LZTS2: variants seen among roughly 807,000 people sequenced by gnomAD.
The protein encoded by LZTS2 is leucine zipper tumor suppressor 2.
A neutral mutation model predicts 60.6 loss-of-function variants in LZTS2; 32 were observed. That is an observed-to-expected ratio of 0.53 (90% confidence interval 0.40 to 0.71). LZTS2 has a LOEUF of 0.71. Among genes scored for constraint, LZTS2 ranks in the 30% least tolerant of loss-of-function variants. The pLI, the probability that LZTS2 is intolerant of heterozygous loss-of-function variation, is 0.00. For missense variants in LZTS2, 792 were observed against 901.9 expected (o/e 0.88, Z 1.56); for synonymous variants, 360 against 393.1 (o/e 0.92, Z 1.00).
exon 4 of LZTS2, chr10:101,007,375 G>T: frequency 7.1e-7 from 1 of 1,417,996 alleles, no homozygotes; most frequent in South Asian, 1.5e-5. Flanking sequence ...AAAGGTCCCC[G>T]TGTTCACTGT....
exon 1 of LZTS2, chr10:101,001,454 ATAAC>A (rs1201095832): frequency 6.6e-6 from 1 of 152,232 alleles, no homozygotes; most frequent in Non-Finnish European, 1.5e-5. Flanking sequence ...CACACAACAA[ATAAC>A]TAAATGCACA....
At chr10:100,997,770 C>T (rs1383515659), upstream of LZTS2, among the ~76,000 whole-genome samples, 1 of 152,226 alleles carries the variant, frequency 6.6e-6, no homozygotes, top group Non-Finnish European at 1.5e-5. Flanking sequence ...GTCCGGGGCG[C>T]GTTTGCTTGG....
rs761141302 is a variant in LZTS2, at chr10:101,004,105, G to A, written c.1007G>A (p.Arg336Gln). ...GTCCTGGAAGGAAAGCTCCGAGACC[G>A]GGAGGCAGAGCTTCAGCAGCTGCGG... The change falls in exon 2 of 4, where the codon CGG becomes CAG. Residue 336 changes from arginine (R) to glutamine (Q), a missense_variant. Physicochemically the swap from Arg to Gln is conservative, Grantham distance 43 (BLOSUM62 1). Coordinates refer to ENST00000370220, the Ensembl canonical transcript of LZTS2. 29 of 1,612,992 alleles carry A rather than the reference G, an allele frequency of 1.8e-5. No homozygotes were observed. The highest frequency in any genetic ancestry group is 8.3e-5 in the Admixed American group (5 of 60,014).
At chr10:101,002,344 CA>C (rs1852057253) in exon 1 of LZTS2, 1 of 500,648 alleles carries the variant, frequency 2.0e-6, no homozygotes, top group South Asian at 4.6e-5. Context: ...GTTTGGGGCC[CA>C]GGGGGAATTG....
chr10:101,006,201 C>G (rs1852186968), intron 3 of LZTS2, among the ~76,000 whole-genome samples: 1 of 152,172 alleles, frequency 6.6e-6, no homozygotes, highest in Non-Finnish European at 1.5e-5. Context: ...TTGCCAGGAC[C>G]CAGTCCCCAG....
exon 1 of LZTS2, chr10:101,000,684 C>T (rs1475837756): frequency 6.6e-6 from 1 of 152,386 alleles, no homozygotes; most frequent in East Asian, 1.9e-4. Context: ...GTGCCAGCCC[C>T]CTTGGCCCCC....
chr10:101,002,870 G>A (rs748204088), exon 1 of LZTS2: 15 of 1,613,712 alleles, frequency 9.3e-6, no homozygotes, highest in Middle Eastern at 1.6e-4. Flanking sequence ...GAGGATGCCC[G>A]AGAGCAGCGG....
At chr10:101,001,019 T>TC (rs1329123829) in exon 1 of LZTS2, 1 of 152,074 alleles carries the variant, frequency 6.6e-6, no homozygotes, top group Non-Finnish European at 1.5e-5. Context: ...GTCCCACCTC[T>TC]CCCCACACGC....
chr10:101,003,982 G>T (rs773195271), exon 2 of LZTS2: 17 of 1,612,478 alleles, frequency 1.1e-5, no homozygotes, highest in Non-Finnish European at 1.4e-5. Context: ...GGGCTTTTGG[G>T]CAGTGGTACT....
At chr10:101,003,371 G>A (rs1316678198) in intron 1 of LZTS2, 136 bp from the exon 3 acceptor site, 5 of 823,270 alleles carry the variant, frequency 6.1e-6, no homozygotes, top group Non-Finnish European at 3.6e-6. Context: ...TGACACTGGT[G>A]GCCACCTCCA....
chr10:101,004,117 T>A, exon 2 of LZTS2: 1 of 1,612,672 alleles, frequency 6.2e-7, no homozygotes, highest in Non-Finnish European at 8.5e-7. Context: ...GAGGCAGAGC[T>A]TCAGCAGCTG....
chr10:101,007,127 C>T, exon 4 of LZTS2: 4 of 1,608,388 alleles, frequency 2.5e-6, no homozygotes, highest in Non-Finnish European at 3.4e-6. Flanking sequence ...CGAGCAGGCC[C>T]CCTGCATCTG....
In LZTS2 at chr10:101,006,652, C is replaced by T. The variant is rs183305963; in HGVS notation, c.1494C>T (p.Ala498=). 12,549 of 1,585,314 alleles carry T rather than the reference C, an allele frequency of 7.9e-3. 66 individuals are homozygous for T. Among genetic ancestry groups the T allele is most frequent in the Non-Finnish European group, 8.8e-3 (10,249 of 1,165,772 alleles). Residue 498 remains alanine, a synonymous_variant, in exon 4 of 4, where the codon GCC becomes GCT. Coordinates refer to ENST00000370220, the Ensembl canonical transcript of LZTS2. ...GCCGTGCGCGGGGTCTACAGGAGGC[C>T]GCCCGAGCTCGGGAGCTGGAGCTGG...
At position 101,006,856 on chromosome 10, in the gene LZTS2, G is replaced by C. The variant is rs749579487; in HGVS notation, c.1698G>C (p.Gly566=). ...CCAAAGTGCAGCGGGCAGCAGCCGG[G>C]GTTGGGGGCAGCTTGCGGGCCCAGG... The change falls in exon 4 of 4, where the codon GGG becomes GGC. Residue 566 remains glycine, a synonymous_variant. Coordinates refer to ENST00000370220, the Ensembl canonical transcript of LZTS2. The C allele has an allele frequency of 2.0e-6, 3 of 1,536,576 alleles. No individual in the cohort carries two copies. In the African/African-American group the frequency reaches 4.1e-5, roughly 21 times the overall value.
upstream of LZTS2, chr10:100,997,066 G>GCTCCA (rs1851930562): frequency 2.0e-5 from 3 of 152,662 alleles, no homozygotes; most frequent in Admixed American, 2.0e-4. Flanking sequence ...GCCCCGCCCC[G>GCTCCA]CTCCACCAGG....
At chr10:101,005,163 C>A (rs1196897018) in intron 2 of LZTS2, among the ~76,000 whole-genome samples, 1 of 152,158 alleles carries the variant, frequency 6.6e-6, no homozygotes, top group Non-Finnish European at 1.5e-5. Flanking sequence ...GCCACCACAC[C>A]AAGCTAATTT....
chr10:101,007,819 T>G (rs1852265616), exon 4 of LZTS2: 1 of 284,458 alleles, frequency 3.5e-6, no homozygotes, highest in Non-Finnish European at 5.3e-6. Context: ...TAAAAAAAAT[T>G]TTTTTGTTTA....
exon 4 of LZTS2, chr10:101,007,617 C>T: frequency 8.0e-7 from 1 of 1,256,320 alleles, no homozygotes; most frequent in Non-Finnish European, 1.0e-6. Flanking sequence ...GGGCTCGGTT[C>T]CCAGGTTTGA....
chr10:101,004,196 G>A (rs1268048336), intron 2 of LZTS2, 30 bp downstream of exon 3: 9 of 1,570,390 alleles, frequency 5.7e-6, no homozygotes, highest in Non-Finnish European at 7.8e-6. Flanking sequence ...TGGGGAAGGG[G>A]CATGGCAGGA....
Sources: gnomAD v4.1 joint callset for allele counts (sites outside exome capture counted in the v4.1 genomes callset) on GRCh38, gnomAD v4.1.1 for gene constraint, MANE v1.5 for transcripts, NCBI Gene and HGNC (gene_info 2026-07-23, HGNC 2026-07-21) for gene names.